Variants in UNC5C observed in about 807,000 individuals in gnomAD.
The protein encoded by UNC5C is unc-5 netrin receptor C.
UNC5C carries 47 observed loss-of-function variants against 99.8 expected under a neutral mutation model. That is an observed-to-expected ratio of 0.47 (90% CI 0.37 to 0.60). The LOEUF (loss-of-function observed/expected upper bound fraction) is 0.60. Among genes scored for constraint, UNC5C ranks in the 20% least tolerant of loss-of-function variants. UNC5C has a pLI of 0.00. For missense variants in UNC5C, 1,062 were observed against 1,165.9 expected (o/e 0.91, Z 1.30); for synonymous variants, 487 against 452.2 (o/e 1.08, Z -0.98).
chr4:95,334,871 T>A (rs1486810771), intron 2 of UNC5C, among the ~76,000 whole-genome samples: 1 of 151,966 alleles, frequency 6.6e-6, no homozygotes, highest in African/African-American at 2.4e-5. Context: ...TGAATCACCC[T>A]CAATTTAATT....
intron 1 of UNC5C, among the ~76,000 whole-genome samples, chr4:95,447,078 C>T (rs564862557): frequency 6.6e-6 from 1 of 152,198 alleles, no homozygotes; most frequent in African/African-American, 2.4e-5. Context: ...AGATGTGTTC[C>T]TCTGTAGCAT....
intron 11 of UNC5C, among the ~76,000 whole-genome samples, chr4:95,204,403 C>T (rs1307363434): frequency 6.6e-6 from 1 of 152,184 alleles, no homozygotes; most frequent in Non-Finnish European, 1.5e-5. Flanking sequence ...GGCAGGGCCA[C>T]AGACAAGGAG....
chr4:95,228,135 C>G (rs1209284626), intron 7 of UNC5C, among the ~76,000 whole-genome samples: 2 of 152,158 alleles, frequency 1.3e-5, no homozygotes, highest in Non-Finnish European at 2.9e-5. Context: ...CAACAATATA[C>G]CTAAATGTAG....
At chr4:95,256,981 A>G (rs1305128732) in intron 4 of UNC5C, among the ~76,000 whole-genome samples, 1 of 152,068 alleles carries the variant, frequency 6.6e-6, no homozygotes, top group Non-Finnish European at 1.5e-5. Flanking sequence ...CTGATTAGAT[A>G]GATGGTGCTC....
At chr4:95,424,912 C>T (rs552844048) in intron 1 of UNC5C, among the ~76,000 whole-genome samples, 17 of 152,164 alleles carry the variant, frequency 1.1e-4, no homozygotes, top group Non-Finnish European at 1.9e-4. Context: ...GACACTTTTA[C>T]CCACCAAACT....
intron 4 of UNC5C, among the ~76,000 whole-genome samples, chr4:95,254,051 A>T (rs1739858346): frequency 6.6e-6 from 1 of 152,122 alleles, no homozygotes; most frequent in Non-Finnish European, 1.5e-5. Context: ...CCAATGTGCC[A>T]CTGGGTCTGG....
At chr4:95,355,584 A>C (rs1744151927) in intron 1 of UNC5C, among the ~76,000 whole-genome samples, 1 of 152,006 alleles carries the variant, frequency 6.6e-6, no homozygotes, top group South Asian at 2.1e-4. Flanking sequence ...ACACAGTAAT[A>C]TATTACATTG....
intron 4 of UNC5C, among the ~76,000 whole-genome samples, chr4:95,271,373 G>T (rs565468298): frequency 1.1e-3 from 160 of 151,626 alleles, no homozygotes; most frequent in African/African-American, 3.7e-3. Flanking sequence ...GACTACAGGC[G>T]CCCGCCACCA....
intron 1 of UNC5C, among the ~76,000 whole-genome samples, chr4:95,359,834 A>C (rs2149434102): frequency 6.6e-6 from 1 of 152,294 alleles, no homozygotes; most frequent in South Asian, 2.1e-4. Context: ...AAGAATAACA[A>C]ATACTTAAGA....
chr4:95,177,966 C>T (rs976983085), intron 14 of UNC5C, among the ~76,000 whole-genome samples: 2 of 151,980 alleles, frequency 1.3e-5, no homozygotes, highest in African/African-American at 2.4e-5. Context: ...GCTCAGCCTC[C>T]CAAAGTCATG....
intron 1 of UNC5C, among the ~76,000 whole-genome samples, chr4:95,375,958 C>T (rs1744882779): frequency 6.6e-6 from 1 of 152,016 alleles, no homozygotes; most frequent in Non-Finnish European, 1.5e-5. Context: ...GAGGCTGAGG[C>T]AGGAGAATGG....
chr4:95,496,265 C>T (rs1721629214), intron 1 of UNC5C, among the ~76,000 whole-genome samples: 1 of 151,712 alleles, frequency 6.6e-6, no homozygotes, highest in African/African-American at 2.4e-5. Context: ...TAGGATTTAA[C>T]CAAAAATGTC....
chr4:95,267,948 G>GA (rs1201378805), intron 4 of UNC5C, among the ~76,000 whole-genome samples: 3 of 83,918 alleles, frequency 3.6e-5, no homozygotes, highest in African/African-American at 1.1e-4. Context: ...TGAATTTTGT[G>GA]ATTTTTTTTT....
chr4:95,443,747 A>G (rs1044474182), intron 1 of UNC5C, among the ~76,000 whole-genome samples: 1 of 152,086 alleles, frequency 6.6e-6, no homozygotes, highest in Non-Finnish European at 1.5e-5. Flanking sequence ...GTTTATTTGA[A>G]CTATATATTT....
intron 1 of UNC5C, among the ~76,000 whole-genome samples, chr4:95,440,600 T>C (rs895119726): frequency 6.6e-6 from 1 of 152,128 alleles, no homozygotes; most frequent in African/African-American, 2.4e-5. Flanking sequence ...TTGTATATAA[T>C]TTTAAGGCAT....
intron 14 of UNC5C, among the ~76,000 whole-genome samples, chr4:95,170,809 C>T (rs1736067738): frequency 6.6e-6 from 1 of 152,214 alleles, no homozygotes; most frequent in African/African-American, 2.4e-5. Context: ...TCCAGTAGTT[C>T]TGCTAAACTC....
intron 1 of UNC5C, among the ~76,000 whole-genome samples, chr4:95,516,806 C>T (rs1722232413): frequency 6.6e-6 from 1 of 152,104 alleles, no homozygotes; most frequent in Non-Finnish European, 1.5e-5. Context: ...GGCCTCATTT[C>T]GACCAGGCAT....
chr4:95,477,260 G>A (rs1332914251), intron 1 of UNC5C, among the ~76,000 whole-genome samples: 2 of 151,844 alleles, frequency 1.3e-5, no homozygotes, highest in Non-Finnish European at 2.9e-5. Context: ...ATATAGGCAG[G>A]CCACATTTTT....
At chr4:95,288,658 T>C (rs1303318637) in intron 3 of UNC5C, among the ~76,000 whole-genome samples, 2 of 152,232 alleles carry the variant, frequency 1.3e-5, no homozygotes, top group Non-Finnish European at 2.9e-5. Context: ...TGGAGTTTCT[T>C]AGGGAGAGAC....
Sources: allele counts gnomAD v4.1 joint callset (sites outside exome capture counted in the v4.1 genomes callset), GRCh38; gene constraint gnomAD v4.1.1; transcripts MANE v1.5; gene names NCBI Gene and HGNC (gene_info 2026-07-23, HGNC 2026-07-21).